Variants in MEAK7 observed in about 807,000 individuals in gnomAD.
MEAK7 encodes the protein MTOR associated protein MEAK7.
A neutral mutation model predicts 40.5 loss-of-function variants in MEAK7; 68 were observed. The ratio of observed to expected loss-of-function variants is 1.68; its 90% CI spans 1.38 to 2.06. MEAK7 has a LOEUF of 2.06. Among genes scored for constraint, MEAK7 ranks in the 30% most tolerant of loss-of-function variants. The pLI is 0.00. For missense variants in MEAK7, 918 were observed against 580.5 expected (o/e 1.58, Z -5.98); for synonymous variants, 338 against 231.9 (o/e 1.46, Z -4.16).
At chr16:84,487,626 C>A (rs1913205090) in intron 4 of MEAK7, 1 of 154,006 alleles carries the variant, frequency 6.5e-6, no homozygotes, top group African/African-American at 2.4e-5. Context: ...CCTGGGACTC[C>A]TGCAGTTTAT....
chr16:84,503,624 T>A (rs748883519), intron 1 of MEAK7, among the ~76,000 whole-genome samples: 6 of 152,174 alleles, frequency 3.9e-5, no homozygotes, highest in Non-Finnish European at 8.8e-5. Flanking sequence ...ACCCAGGGCA[T>A]TTGATCTGCT....
intron 3 of MEAK7, among the ~76,000 whole-genome samples, chr16:84,490,305 G>C (rs1567497070): frequency 6.6e-6 from 1 of 150,956 alleles, no homozygotes; most frequent in Non-Finnish European, 1.5e-5. Context: ...GAAGGAAAGA[G>C]CAAGGCCACC....
intron 3 of MEAK7, among the ~76,000 whole-genome samples, chr16:84,491,558 T>G (rs1309102749): frequency 5.0e-5 from 4 of 79,318 alleles, no homozygotes; most frequent in African/African-American, 7.9e-5. Context: ...AAAAAAAACG[T>G]CTGGGCACGG....
chr16:84,480,792 C>T, intron 6 of MEAK7, 84 bp from the exon 7 acceptor site: 2 of 1,455,256 alleles, frequency 1.4e-6, no homozygotes, highest in Non-Finnish European at 1.8e-6. Flanking sequence ...AGCCTCTCGC[C>T]TTAAGTACCA....
rs570111875 is a variant in MEAK7, at chr16:84,503,198, A to G, written c.-26+1403T>C. ...ATAACTGATAAGTGCATATATCTACATATATGGTAAAAAAAAAATCTCATG... is the reference window on the plus strand; with the variant it reads ...ATAACTGATAAGTGCATATATCTACGTATATGGTAAAAAAAAAATCTCATG... On this transcript the variant is annotated intron_variant, in intron 1 of 7. Transcript: ENST00000343629. Among the ~76,000 whole-genome samples the G allele has an allele frequency of 1.3e-3, 31 of 23,306 alleles. No individual in the cohort carries two copies. In the East Asian group the frequency reaches 0.037, roughly 28 times the overall value. The allele number at this position is 23,306 out of a possible 152,430, so 15.3% of individuals were successfully genotyped here.
chr16:84,480,021 C>T lies in MEAK7; in HGVS notation c.1263G>A (p.Lys421=). ...CCGCATCCAGGATGCTCTTGTTGCC[C>T]TTGGCCTTGAGAAGAGAAGAAAGGG... ...VGDPSEEQLA[K]GNKSILDADP... Residue 421 remains lysine (K), a synonymous_variant, in exon 8 of 8, where the codon AAG becomes AAA. Coordinates refer to ENST00000343629, the MANE Select transcript of MEAK7 (RefSeq NM_020947.4). 6.3e-7 allele frequency: 1 copy of T among 1,597,224 alleles called. No individual in the cohort carries two copies. The highest frequency in any genetic ancestry group is 8.6e-7 in the Non-Finnish European group (1 of 1,168,814).
chr16:84,493,454 A>C (rs1913795092), intron 3 of MEAK7, among the ~76,000 whole-genome samples: 1 of 152,266 alleles, frequency 6.6e-6, no homozygotes, highest in Non-Finnish European at 1.5e-5. Context: ...CAAGCAAGCA[A>C]GAAGTTAATT....
At chr16:84,485,290 A>C (rs1307455437) in intron 5 of MEAK7, among the ~76,000 whole-genome samples, 1 of 152,206 alleles carries the variant, frequency 6.6e-6, no homozygotes, top group Admixed American at 6.5e-5. Flanking sequence ...TAAGATAAAG[A>C]TCTAGAACAT....
Position 84,495,903 on chromosome 16 carries a change from C to T in MEAK7, c.164G>A (p.Gly55Glu). The stretch of plus-strand genomic sequence containing the variant: ...GACCATCTCTGGGGGAAGAGCTTCC[C>T]CGACGTGGTTCTGCCGGGGACAAGC... Reference protein sequence around the residue: ...FSLKALQNHVGEALPPEMVTR... With the variant: ...FSLKALQNHVEEALPPEMVTR... The change falls in exon 3 of 8, where the codon GGG becomes GAG. Residue 55 changes from glycine (G) to glutamate (E), a missense_variant. By Grantham distance (98) the Gly-to-Glu change is moderately conservative. Coordinates refer to ENST00000343629, the MANE Select transcript of MEAK7 (RefSeq NM_020947.4). 5 of 1,613,978 alleles carry T rather than the reference C, an allele frequency of 3.1e-6. No individual in the cohort carries two copies. Among genetic ancestry groups the T allele is most frequent in the Non-Finnish European group, 4.2e-6 (5 of 1,180,020 alleles).
intron 1 of MEAK7, chr16:84,502,845 G>C (rs1415052208): frequency 1.3e-5 from 2 of 152,300 alleles, no homozygotes; most frequent in Admixed American, 6.5e-5. Context: ...ACTCCAGCCT[G>C]GGTGACAGAG....
At chr16:84,490,385 C>A (rs1363726002) in intron 3 of MEAK7, among the ~76,000 whole-genome samples, 2 of 146,990 alleles carry the variant, frequency 1.4e-5, no homozygotes, top group African/African-American at 5.1e-5. Flanking sequence ...CAGGCCCAAA[C>A]TAAAAGACCC....
At chr16:84,493,757 C>T (rs919334599) in intron 3 of MEAK7, among the ~76,000 whole-genome samples, 1 of 152,170 alleles carries the variant, frequency 6.6e-6, no homozygotes, top group Non-Finnish European at 1.5e-5. Flanking sequence ...ATTGGAAACA[C>T]TGGTTATTTC....
intron 1 of MEAK7, among the ~76,000 whole-genome samples, chr16:84,502,243 G>A (rs997608670): frequency 6.6e-6 from 1 of 152,132 alleles, no homozygotes; most frequent in African/African-American, 2.4e-5. Flanking sequence ...TCGTCCCCCA[G>A]GGGCATTTGG....
At chr16:84,499,410 C>G (rs1223625445) in intron 1 of MEAK7, among the ~76,000 whole-genome samples, 1 of 152,058 alleles carries the variant, frequency 6.6e-6, no homozygotes, top group Non-Finnish European at 1.5e-5. Flanking sequence ...GGTATTTAGC[C>G]AAGGGGGAAA....
intron 1 of MEAK7, 69 bp from the exon 2 acceptor site, chr16:84,498,180 A>T: frequency 6.7e-7 from 1 of 1,501,704 alleles, no homozygotes; most frequent in Non-Finnish European, 8.9e-7. Context: ...AATGTTGAGA[A>T]TTATATGGTC....
Position 84,480,519 on chromosome 16 carries a change from C to T in MEAK7, c.1257+10G>A. 2 of 1,601,152 alleles carry T rather than the reference C, an allele frequency of 1.2e-6. No homozygotes were observed. The highest frequency in any genetic ancestry group is 1.7e-6 in the Non-Finnish European group (2 of 1,174,098). ...GGCCATCCTGGGATGCAGAGGACAGCTCCACTCACCAACTGCTCCTCTGAG... is the reference window on the plus strand; with the variant it reads ...GGCCATCCTGGGATGCAGAGGACAGTTCCACTCACCAACTGCTCCTCTGAG... On this transcript the variant is annotated intron_variant, in intron 7 of 7. Coordinates refer to ENST00000343629, the MANE Select transcript of MEAK7 (RefSeq NM_020947.4).
Position 84,495,793 on chromosome 16 carries a change from T to C in MEAK7, c.274A>G (p.Thr92Ala), listed in dbSNP as rs755177803. 1 of 1,614,120 alleles carries C rather than the reference T, an allele frequency of 6.2e-7. No individual in the cohort carries two copies. Among genetic ancestry groups the C allele is most frequent in the African/African-American group, 1.3e-5 (1 of 75,022 alleles). Residue 92 changes from threonine (T) to alanine (A), a missense_variant, in exon 3 of 8, where the codon ACA becomes GCA. By Grantham distance (58) the Thr-to-Ala change is moderately conservative. Transcript: ENST00000343629. ...PSENVSQEQF[T>A]ASMSHLLKGN... is the part of the protein sequence containing the mutation. ...TTCAACAGGTGGGACATGGATGCTG[T>C]GAACTGCTCCTGGGACACGTTCTCA...
Position 84,485,831 on chromosome 16 carries a change from G to A in MEAK7, c.958+800C>T, listed in dbSNP as rs537721613. 4.6e-5 allele frequency among the ~76,000 whole-genome samples: 7 copies of A among 152,284 alleles called. No homozygotes were observed. The East Asian group carries it at 5.8e-4, about 13-fold the overall frequency. On this transcript the variant is annotated intron_variant, in intron 5 of 7. Coordinates refer to ENST00000343629, the MANE Select transcript of MEAK7 (RefSeq NM_020947.4). ...CACGTAGCTGGGATTACAGGCATGC[G>A]CCACCACACCCATCTAATTTGTGTA...
Position 84,476,556 on chromosome 16 carries a change from A to C in MEAK7, c.*3357T>G, listed in dbSNP as rs1462090428. 1.3e-5 allele frequency: 2 copies of C among 152,182 alleles called. No homozygotes were observed. The highest frequency in any genetic ancestry group is 2.9e-5 in the Non-Finnish European group (2 of 68,024). 9.4% of individuals were successfully genotyped at this position (152,182 alleles called of 1,614,324 possible). On this transcript the variant is annotated 3_prime_UTR_variant, in exon 8 of 8. Coordinates refer to ENST00000343629, the MANE Select transcript of MEAK7 (RefSeq NM_020947.4). ...CATCACAGCAAGGCACACATAAACG[A>C]TATTCATGACAATGATTAGCTGCAA...
Sources: gnomAD v4.1 joint callset for allele counts (sites outside exome capture counted in the v4.1 genomes callset) on GRCh38, gnomAD v4.1.1 for gene constraint, MANE v1.5 for transcripts, NCBI Gene and HGNC (gene_info 2026-07-23, HGNC 2026-07-21) for gene names.